The following CLEC16A variants were observed in gnomAD, a reference collection of about 807,000 sequenced individuals.
CLEC16A encodes the protein C-type lectin domain containing 16A, also known as protein CLEC16A.
Under a neutral mutation model 109.5 loss-of-function variants are expected in CLEC16A, and 51 were observed. That is an observed-to-expected ratio of 0.47 (90% CI 0.37 to 0.59). The LOEUF is 0.59. Among genes scored for constraint, CLEC16A ranks in the 20% least tolerant of loss-of-function variants. The pLI, the probability that CLEC16A is intolerant of heterozygous loss-of-function variation, is 0.00. For synonymous variants in CLEC16A, 673 were observed against 564.2 expected (o/e 1.19, Z -2.73); for missense variants, 1,339 against 1,394.0 (o/e 0.96, Z 0.63).
chr16:11,088,841 T>G (rs2050151306), intron 19 of CLEC16A, among the ~76,000 whole-genome samples: 1 of 152,154 alleles, frequency 6.6e-6, no homozygotes. Context: ...AGTTAGTAAT[T>G]TCGGGTTTTC....
At chr16:11,123,668 C>T in intron 20 of CLEC16A, 74 bp from the exon 21 acceptor site, 1 of 1,426,580 alleles carries the variant, frequency 7.0e-7, no homozygotes, top group Non-Finnish European at 9.9e-7. Context: ...CTAGATGCCT[C>T]ATGATGCCAC....
intron 23 of CLEC16A, among the ~76,000 whole-genome samples, chr16:11,170,962 C>A (rs1377474501): frequency 6.6e-6 from 1 of 152,198 alleles, no homozygotes; most frequent in African/African-American, 2.4e-5. Flanking sequence ...TGGTGAGGCC[C>A]TGGTCCGTGA....
At chr16:11,027,281 C>A in intron 13 of CLEC16A, 1 of 1,546,566 alleles carries the variant, frequency 6.5e-7, no homozygotes, top group Non-Finnish European at 8.8e-7. Context: ...ATAAACATTC[C>A]TTGGCCTTTG....
intron 21 of CLEC16A, among the ~76,000 whole-genome samples, chr16:11,125,324 C>T (rs950336153): frequency 9.9e-5 from 15 of 151,368 alleles, no homozygotes; most frequent in African/African-American, 3.6e-4. Flanking sequence ...TCATGTAAAG[C>T]AATTTCTCAC....
intron 23 of CLEC16A, among the ~76,000 whole-genome samples, chr16:11,177,916 C>T (rs1294027133): frequency 4.0e-5 from 6 of 150,584 alleles, no homozygotes; most frequent in East Asian, 1.9e-4. Context: ...AATGTATACT[C>T]TGGAAATGGC....
intron 11 of CLEC16A, among the ~76,000 whole-genome samples, chr16:11,019,517 C>T (rs1280552588): frequency 6.6e-6 from 1 of 152,164 alleles, no homozygotes; most frequent in Non-Finnish European, 1.5e-5. Context: ...GCCTGTAATC[C>T]CAACACTTTG....
chr16:10,964,925 G>A (rs1331941128), intron 3 of CLEC16A, among the ~76,000 whole-genome samples: 1 of 152,166 alleles, frequency 6.6e-6, no homozygotes, highest in East Asian at 1.9e-4. Context: ...CAGTAGATCT[G>A]TTAGCAGATT....
At position 10,969,171 on chromosome 16, in the gene CLEC16A, C is replaced by A. The variant is rs775061266; in HGVS notation, c.354C>A (p.Leu118=). Reference sequence around the variant, plus strand: ...TTTTTCTCCCTCTAGATTATTTGCTCTCAAATAACTACGTAAATTCTATCA... The same window carrying A: ...TTTTTCTCCCTCTAGATTATTTGCTATCAAATAACTACGTAAATTCTATCA... The part of the protein sequence containing the change: ...ISHETSLYYL[L]SNNYVNSIIV... Residue 118 remains leucine, a synonymous_variant, in exon 4 of 24, where the codon CTC becomes CTA. Transcript: ENST00000409790. 5.0e-6 allele frequency: 8 copies of A among 1,608,082 alleles called. No individual in the cohort carries two copies. In the Admixed American group the frequency reaches 1.2e-4, roughly 24 times the overall value.
At chr16:11,158,745 A>G (rs2054618611) in intron 22 of CLEC16A, among the ~76,000 whole-genome samples, 1 of 152,022 alleles carries the variant, frequency 6.6e-6, no homozygotes, top group Non-Finnish European at 1.5e-5. Context: ...CAACTTGGTG[A>G]CCCATCTCTA....
chr16:11,079,075 C>A (rs1171313887), intron 19 of CLEC16A, among the ~76,000 whole-genome samples: 4 of 152,176 alleles, frequency 2.6e-5, no homozygotes, highest in Admixed American at 2.0e-4. Flanking sequence ...GCCCTGCAGC[C>A]CCACACACAG....
Position 10,962,882 on chromosome 16 carries a change from AC to A in CLEC16A, c.343+298del, listed in dbSNP as rs1310633371. 3.9e-5 allele frequency among the ~76,000 whole-genome samples: 6 copies of A among 151,978 alleles called. No individual in the cohort carries two copies. The East Asian group carries it at 1.2e-3, about 29-fold the overall frequency. On this transcript the variant is annotated intron_variant, in intron 3 of 23. Coordinates refer to ENST00000409790, the MANE Select transcript of CLEC16A (RefSeq NM_015226.3). ...AGAACAGCCTGGACAACAAGGTGAA[AC>A]CCCGTCTCTACAAAAAACCACAAAA...
At chr16:11,014,000 G>C (rs780049246) in intron 11 of CLEC16A, among the ~76,000 whole-genome samples, 1 of 152,126 alleles carries the variant, frequency 6.6e-6, no homozygotes, top group Admixed American at 6.5e-5. Context: ...TCCAGTTTAG[G>C]CTTCTTCTTT....
chr16:11,117,958 G>A (rs1249484478), intron 19 of CLEC16A, among the ~76,000 whole-genome samples: 2 of 151,944 alleles, frequency 1.3e-5, no homozygotes, highest in African/African-American at 4.8e-5. Flanking sequence ...TGAATTTGGG[G>A]ATAACTTTCT....
intron 15 of CLEC16A, 95 bp downstream of exon 15, chr16:11,042,458 C>T (rs921288813): frequency 7.3e-6 from 7 of 953,544 alleles, no homozygotes; most frequent in South Asian, 1.6e-5. Context: ...AGCCCTGGCC[C>T]GTGGTGTCAT....
intron 22 of CLEC16A, among the ~76,000 whole-genome samples, chr16:11,164,936 T>C (rs2054851678): frequency 6.6e-6 from 1 of 152,196 alleles, no homozygotes; most frequent in East Asian, 1.9e-4. Flanking sequence ...GGTCCAGGGC[T>C]GGCTGTGGTG....
rs199548274 is a variant in CLEC16A at position 10,957,794 on chromosome 16, C to T, written c.93C>T (p.His31=). The change falls in exon 2 of 24, where the codon CAC becomes CAT. Residue 31 remains histidine, a synonymous_variant. Transcript: ENST00000409790. ...HSLDHLKYLY[H]VLTKNTTVTE... ...TCATTTCTCTCAGGTATCTGTACCA[C>T]GTTTTGACCAAAAACACCACAGTCA... is the stretch of plus-strand genomic sequence containing the variant. 3.9e-4 allele frequency: 625 copies of T among 1,613,774 alleles called. No individual in the cohort carries two copies. The highest frequency in any genetic ancestry group is 4.7e-4 in the Non-Finnish European group (549 of 1,179,820).
rs1287945073 is a variant in CLEC16A at position 10,961,169 on chromosome 16, C to A, written c.210-1286C>A. Among the ~76,000 whole-genome samples, 1 of 152,172 alleles carries A rather than the reference C, an allele frequency of 6.6e-6. No individual in the cohort carries two copies. The highest frequency in any genetic ancestry group is 1.9e-4 in the East Asian group (1 of 5,202). ...GAGTCACTGATTTATGCAGCTTGAA[C>A]TGAAGGTAGACAAAAATAGGCCAAA... On this transcript the variant is annotated intron_variant, in intron 2 of 23. Transcript: ENST00000409790. The surrounding 1 kb of genome is among the most constrained non-coding windows in gnomAD (Gnocchi z 4.3).
chr16:11,019,249 A>G (rs1302365385), intron 11 of CLEC16A, among the ~76,000 whole-genome samples: 4 of 152,224 alleles, frequency 2.6e-5, no homozygotes, highest in Non-Finnish European at 5.9e-5. Flanking sequence ...GGGACACCAT[A>G]AAGCCCAACC....
At chr16:11,061,214 A>C (rs1324007715) in intron 19 of CLEC16A, among the ~76,000 whole-genome samples, 192 bp downstream of exon 19, 6 of 152,152 alleles carry the variant, frequency 3.9e-5, no homozygotes, top group East Asian at 1.9e-4. Context: ...GGGTTCTCTG[A>C]GATCAGTTTG....
Sources: allele counts gnomAD v4.1 joint callset (sites outside exome capture counted in the v4.1 genomes callset), GRCh38; gene constraint gnomAD v4.1.1; non-coding constraint Gnocchi (gnomAD v3.1); transcripts MANE v1.5; gene names NCBI Gene and HGNC (gene_info 2026-07-23, HGNC 2026-07-21).